ZBTB34: variants seen among roughly 807,000 people sequenced by gnomAD.
The protein encoded by ZBTB34 is zinc finger and BTB domain containing 34.
ZBTB34 carries 1 observed loss-of-function variant against 33.4 expected under a neutral mutation model. That is an observed-to-expected ratio of 0.03 (90% CI 0.01 to 0.14). ZBTB34 has a LOEUF of 0.14. Among genes scored for constraint, ZBTB34 ranks in the 10% least tolerant of loss-of-function variants. The pLI is 1.00. For synonymous variants in ZBTB34, 283 were observed against 253.5 expected (o/e 1.12, Z -1.11); for missense variants, 406 against 657.2 (o/e 0.62, Z 4.18).
intron 1 of ZBTB34, among the ~76,000 whole-genome samples, chr9:126,861,778 G>T (rs2033146215): frequency 6.6e-6 from 1 of 152,022 alleles, no homozygotes; most frequent in Admixed American, 6.6e-5. Flanking sequence ...TTTTCTCTTT[G>T]TTCCCTAGTC....
At chr9:126,870,055 G>A in intron 1 of ZBTB34, among the ~76,000 whole-genome samples, 1 of 152,108 alleles carries the variant, frequency 6.6e-6, no homozygotes, top group East Asian at 1.9e-4. Flanking sequence ...TAAAATAATA[G>A]CAGTGTAAAT....
intron 1 of ZBTB34, among the ~76,000 whole-genome samples, chr9:126,868,049 A>T (rs1387876456): frequency 1.3e-5 from 2 of 152,146 alleles, no homozygotes; most frequent in East Asian, 3.9e-4. Context: ...GGCTTGAGTT[A>T]CTGGTTTCTG....
rs952105598 is a variant in ZBTB34 at position 126,880,610 on chromosome 9, T to A, written c.1211T>A (p.Phe404Tyr). 3 of 1,613,746 alleles carry A rather than the reference T, an allele frequency of 1.9e-6. No homozygotes were observed. In the African/African-American group the frequency reaches 4.0e-5, roughly 22 times the overall value. ...CGACTCCATATGGGAATCACCCCCT[T>A]TGTGTGCAAGTTCTGTGGGAAGAAG... The change falls in exon 2 of 2, where the codon TTT becomes TAT. Residue 404 changes from phenylalanine (F) to tyrosine (Y), a missense_variant. By Grantham distance (22) the Phe-to-Tyr change is conservative (BLOSUM62 3). Transcript: ENST00000319119. This position sits in a 1 kb window ranked among gnomAD's most constrained non-coding sequence, Gnocchi z 6.7.
chr9:126,873,725 C>T (rs2033313364), intron 1 of ZBTB34, among the ~76,000 whole-genome samples: 1 of 152,118 alleles, frequency 6.6e-6, no homozygotes, highest in Non-Finnish European at 1.5e-5. Context: ...CTGCCTCGGC[C>T]TCCCGAGTAG....
intron 1 of ZBTB34, among the ~76,000 whole-genome samples, chr9:126,865,285 C>T (rs2033185920): frequency 2.6e-5 from 4 of 152,202 alleles, no homozygotes. Flanking sequence ...TCTTGAGCCA[C>T]CAGCTTGTTT....
At chr9:126,885,139 C>A (rs537915660) in exon 2 of ZBTB34, 1 of 167,076 alleles carries the variant, frequency 6.0e-6, no homozygotes, top group Non-Finnish European at 1.5e-5. Context: ...TGTCACATGT[C>A]ACATGCGTCT....
chr9:126,871,446 TC>T (rs1475867990), intron 1 of ZBTB34, among the ~76,000 whole-genome samples: 2 of 146,902 alleles, frequency 1.4e-5, no homozygotes, highest in Non-Finnish European at 3.0e-5. Flanking sequence ...CACTGCAACC[TC>T]CCCCTCCCAG....
chr9:126,867,254 G>A (rs527325814), intron 1 of ZBTB34, among the ~76,000 whole-genome samples: 253 of 151,448 alleles, frequency 1.7e-3, no homozygotes, highest in Admixed American at 4.3e-3. Flanking sequence ...TGGACCAAAA[G>A]GTAAATGCCT....
intron 1 of ZBTB34, among the ~76,000 whole-genome samples, chr9:126,862,966 A>G (rs1308787315): frequency 6.6e-6 from 1 of 150,872 alleles, no homozygotes; most frequent in Non-Finnish European, 1.5e-5. Context: ...TGTGTCATAG[A>G]TAAGTGATAT....
intron 1 of ZBTB34, among the ~76,000 whole-genome samples, chr9:126,862,999 A>T (rs7044573): frequency 0.94 from 143,391 of 151,996 alleles, 67,754 homozygotes; most frequent in Non-Finnish European, 0.97. Context: ...TTCAAGGTGG[A>T]TGTTTTCAGC....
At chr9:126,878,566 T>C (rs1158724876) in intron 1 of ZBTB34, among the ~76,000 whole-genome samples, 5 of 151,788 alleles carry the variant, frequency 3.3e-5, no homozygotes, top group Non-Finnish European at 7.4e-5. Flanking sequence ...TATAAAGGTG[T>C]ACAGAGCTGA....
chr9:126,877,334 T>C (rs545012365), intron 1 of ZBTB34, among the ~76,000 whole-genome samples: 1 of 152,344 alleles, frequency 6.6e-6, no homozygotes, highest in African/African-American at 2.4e-5. Flanking sequence ...CATCTCTTTT[T>C]TGGAGATACA....
chr9:126,879,203 C>G lies in ZBTB34; in HGVS notation c.-10-187C>G, dbSNP rs2033401844. The G allele has an allele frequency of 1.9e-6, 1 of 527,424 alleles. No homozygotes were observed. The highest frequency in any genetic ancestry group is 3.5e-5 in the Admixed American group (1 of 28,836). The allele number at this position is 527,424 out of a possible 1,614,324, so 32.7% of individuals were successfully genotyped here. A position where few individuals can be genotyped will look rare whatever the true frequency, so the allele number is the denominator to read the frequency against. On this transcript the variant is annotated intron_variant, in intron 1 of 1. Coordinates refer to ENST00000319119, the Ensembl canonical transcript of ZBTB34. This position sits in a 1 kb window ranked among gnomAD's most constrained non-coding sequence, Gnocchi z 6.4. The stretch of plus-strand genomic sequence containing the variant: ...CAATTATGACATTAGGCTAATTGAT[C>G]ATTAGTTTATTTGGCTTTAGGTGAA...
chr9:126,864,636 A>C (rs1302229415), intron 1 of ZBTB34, among the ~76,000 whole-genome samples: 1 of 151,968 alleles, frequency 6.6e-6, no homozygotes, highest in Non-Finnish European at 1.5e-5. Context: ...TCCATCACAG[A>C]ATGCCATTTT....
chr9:126,880,997 A>G lies in ZBTB34; in HGVS notation c.*83A>G. On this transcript the variant is annotated 3_prime_UTR_variant, in exon 2 of 2. Transcript: ENST00000319119. This position sits in a 1 kb window ranked among gnomAD's most constrained non-coding sequence, Gnocchi z 6.7. ...CTTTGTTGTAATCTTTGGTTTTCCCAACCATCTGGAAATCTCTTGGTCTCT... is the reference window on the plus strand; with the variant it reads ...CTTTGTTGTAATCTTTGGTTTTCCCGACCATCTGGAAATCTCTTGGTCTCT... 1 of 1,417,540 alleles carries G rather than the reference A, an allele frequency of 7.1e-7. No individual in the cohort carries two copies. 87.8% of individuals were successfully genotyped at this position (1,417,540 alleles called of 1,614,324 possible).
At chr9:126,865,344 T>C (rs560746547) in intron 1 of ZBTB34, among the ~76,000 whole-genome samples, 2 of 152,370 alleles carry the variant, frequency 1.3e-5, no homozygotes, top group South Asian at 4.1e-4. Context: ...ACTGCTGGGC[T>C]CTGGGCACGC....
intron 1 of ZBTB34, among the ~76,000 whole-genome samples, chr9:126,863,978 A>G (rs1293619577): frequency 6.6e-6 from 1 of 152,260 alleles, no homozygotes; most frequent in Non-Finnish European, 1.5e-5. Context: ...CACTTGAAGT[A>G]CAACATATTG....
Position 126,879,212 on chromosome 9 carries a change from A to T in ZBTB34, c.-10-178A>T, listed in dbSNP as rs1422774461. The T allele has an allele frequency of 1.9e-6, 1 of 537,212 alleles. No homozygotes were observed. Among genetic ancestry groups the T allele is most frequent in the East Asian group, 3.0e-5 (1 of 33,792 alleles). The allele number at this position is 537,212 out of a possible 1,614,324, so 33.3% of individuals were successfully genotyped here. ...CATTAGGCTAATTGATCATTAGTTT[A>T]TTTGGCTTTAGGTGAATTAACCAAA... On this transcript the variant is annotated intron_variant, in intron 1 of 1. Transcript: ENST00000319119. This position sits in a 1 kb window ranked among gnomAD's most constrained non-coding sequence, Gnocchi z 6.4.
At chr9:126,872,653 C>A (rs865973033) in intron 1 of ZBTB34, among the ~76,000 whole-genome samples, 1 of 151,796 alleles carries the variant, frequency 6.6e-6, no homozygotes, top group Non-Finnish European at 1.5e-5. Context: ...AACTTGTGAT[C>A]GATGATGAGT....
Sources: allele counts gnomAD v4.1 joint callset (sites outside exome capture counted in the v4.1 genomes callset), GRCh38; gene constraint gnomAD v4.1.1; non-coding constraint Gnocchi (gnomAD v3.1); transcripts MANE v1.5; gene names NCBI Gene and HGNC (gene_info 2026-07-23, HGNC 2026-07-21).